Variants in CTNNA3 observed in about 807,000 individuals in gnomAD.
CTNNA3 encodes the protein catenin alpha 3.
Under a neutral mutation model 95.7 loss-of-function variants are expected in CTNNA3, and 76 were observed. The ratio of observed to expected loss-of-function variants is 0.79; its 90% CI spans 0.66 to 0.96. The LOEUF is 0.96. CTNNA3 is among the 40% of genes least tolerant of loss of function. The pLI is 0.00. For synonymous variants in CTNNA3, 431 were observed against 374.4 expected (o/e 1.15, Z -1.74); for missense variants, 1,191 against 1,089.8 (o/e 1.09, Z -1.31).
chr10:66,926,625 C>CA (rs770257783), intron 7 of CTNNA3: 24 of 1,600,850 alleles, frequency 1.5e-5, no homozygotes, highest in African/African-American at 2.7e-5. Flanking sequence ...TTCTTAAAAA[C>CA]AAAAAACAAA....
chr10:66,201,040 A>T (rs2087367805), intron 13 of CTNNA3, among the ~76,000 whole-genome samples: 1 of 152,166 alleles, frequency 6.6e-6, no homozygotes. Flanking sequence ...GCCTGACTTC[A>T]TAACAGCACT....
intron 1 of CTNNA3, among the ~76,000 whole-genome samples, chr10:67,671,391 G>A (rs1419292696): frequency 1.3e-5 from 2 of 151,698 alleles, no homozygotes; most frequent in East Asian, 1.9e-4. Context: ...TAAGTTTTAG[G>A]GTACATGTGC....
intron 2 of CTNNA3, among the ~76,000 whole-genome samples, chr10:67,633,071 A>C (rs777343993): frequency 6.6e-5 from 10 of 152,152 alleles, no homozygotes; most frequent in Non-Finnish European, 1.0e-4. Flanking sequence ...AATGGTCCAG[A>C]CAAAGAAGGG....
chr10:67,392,084 A>T (rs1038214210), intron 5 of CTNNA3, among the ~76,000 whole-genome samples: 2 of 152,216 alleles, frequency 1.3e-5, no homozygotes, highest in Admixed American at 1.3e-4. Flanking sequence ...GAGCTTCTGC[A>T]CAGCAAAACA....
intron 7 of CTNNA3, among the ~76,000 whole-genome samples, chr10:66,775,999 A>G (rs1349715112): frequency 6.6e-6 from 1 of 152,238 alleles, no homozygotes; most frequent in East Asian, 1.9e-4. Context: ...TACAATTTGC[A>G]AAAGTTGACC....
At chr10:67,160,434 T>C (rs1459429494) in intron 7 of CTNNA3, among the ~76,000 whole-genome samples, 1 of 23,554 alleles carries the variant, frequency 4.2e-5, no homozygotes, top group Non-Finnish European at 7.1e-5. Context: ...TCATCACATC[T>C]TTTTTTTTTT....
intron 11 of CTNNA3, among the ~76,000 whole-genome samples, chr10:66,379,695 G>C (rs1215261535): frequency 6.6e-6 from 1 of 152,112 alleles, no homozygotes; most frequent in Non-Finnish European, 1.5e-5. Context: ...ATGTGATGAT[G>C]AAATTCTACA....
chr10:66,721,079 C>A (rs536489933), intron 9 of CTNNA3, among the ~76,000 whole-genome samples: 1 of 152,066 alleles, frequency 6.6e-6, no homozygotes. Flanking sequence ...GTGAATCACA[C>A]GTACAGACAA....
chr10:67,348,158 T>A (rs1178545069), intron 5 of CTNNA3, among the ~76,000 whole-genome samples: 1 of 152,098 alleles, frequency 6.6e-6, no homozygotes, highest in African/African-American at 2.4e-5. Flanking sequence ...TCAAAGTAGA[T>A]TAAAGACAAA....
At chr10:67,726,551 TATATA>T (rs1265450799) in intron 1 of CTNNA3, among the ~76,000 whole-genome samples, 2,161 of 71,020 alleles carry the variant, frequency 0.03, 125 homozygotes, top group African/African-American at 0.12. Context: ...TATTACATAT[TATATA>T]ATATAATATA....
chr10:67,635,118 C>T (rs1222991847), intron 2 of CTNNA3, among the ~76,000 whole-genome samples: 5 of 151,796 alleles, frequency 3.3e-5, no homozygotes. Flanking sequence ...AAGACTGAAC[C>T]AGGAAAAAAC....
chr10:66,386,377 C>A (rs949692916), intron 11 of CTNNA3, among the ~76,000 whole-genome samples: 1 of 152,044 alleles, frequency 6.6e-6, no homozygotes, highest in South Asian at 2.1e-4. Context: ...ACCTAGGAAT[C>A]CAACTTACAA....
At chr10:66,891,253 A>C (rs1051107186) in intron 7 of CTNNA3, among the ~76,000 whole-genome samples, 5 of 152,200 alleles carry the variant, frequency 3.3e-5, no homozygotes, top group Non-Finnish European at 5.9e-5. Flanking sequence ...AAGGTGAATC[A>C]TACAGCTTGG....
upstream of CTNNA3, among the ~76,000 whole-genome samples, chr10:67,697,155 A>G (rs1242094794): frequency 6.6e-6 from 1 of 152,214 alleles, no homozygotes; most frequent in East Asian, 1.9e-4. Context: ...TAGCCTTCAA[A>G]ACAACTGTAT....
intron 7 of CTNNA3, among the ~76,000 whole-genome samples, chr10:66,993,734 G>C (rs1020241886): frequency 6.8e-6 from 1 of 148,052 alleles, no homozygotes; most frequent in South Asian, 2.1e-4. Flanking sequence ...ATCTTTCATT[G>C]AGCCTGTATT....
chr10:67,560,331 T>C (rs542436358), intron 3 of CTNNA3, among the ~76,000 whole-genome samples: 4 of 151,404 alleles, frequency 2.6e-5, no homozygotes, highest in Non-Finnish European at 5.9e-5. Flanking sequence ...GGGGCCAATA[T>C]TCAACATTCT....
chr10:66,522,541 T>C (rs1589372378), intron 10 of CTNNA3, among the ~76,000 whole-genome samples: 1 of 152,004 alleles, frequency 6.6e-6, no homozygotes, highest in African/African-American at 2.4e-5. Flanking sequence ...CACTTCTCTT[T>C]CCTGCCGCTA....
At chr10:67,060,640 T>G (rs115700229) in intron 7 of CTNNA3, among the ~76,000 whole-genome samples, 2,727 of 152,194 alleles carry the variant, frequency 0.018, 86 homozygotes, top group African/African-American at 0.061. Flanking sequence ...CTGTTGGCAG[T>G]TTCTCTTTCT....
chr10:65,952,096 C>A (rs1042295874), intron 17 of CTNNA3, among the ~76,000 whole-genome samples: 2 of 150,664 alleles, frequency 1.3e-5, no homozygotes, highest in African/African-American at 4.9e-5. Flanking sequence ...AGATAGATAG[C>A]TATAACATAA....
Sources: gnomAD v4.1 joint callset for allele counts (sites outside exome capture counted in the v4.1 genomes callset) on GRCh38, gnomAD v4.1.1 for gene constraint, MANE v1.5 for transcripts, NCBI Gene and HGNC (gene_info 2026-07-23, HGNC 2026-07-21) for gene names.